The following PRR5 variants were observed in gnomAD, a reference collection of about 807,000 sequenced individuals.
PRR5 encodes the protein proline-rich protein 5.
PRR5 carries 25 observed loss-of-function variants against 30.6 expected under a neutral mutation model. The observed-to-expected ratio is 0.82, with a 90% CI of 0.60 to 1.14. PRR5 has a LOEUF of 1.14. Among genes scored for constraint, PRR5 ranks in the 50% most tolerant of loss-of-function variants. PRR5 has a pLI of 0.00. For missense variants in PRR5, 600 were observed against 547.1 expected (o/e 1.10, Z -0.96); for synonymous variants, 286 against 247.1 (o/e 1.16, Z -1.48).
chr22:44,736,565 C>T (rs1923296422), intron 7 of PRR5, among the ~76,000 whole-genome samples: 1 of 152,228 alleles, frequency 6.6e-6, no homozygotes, highest in Admixed American at 6.5e-5. Flanking sequence ...CCTGTGTGAC[C>T]AGGCTGGGCC....
chr22:44,717,278 G>A (rs977768877), intron 2 of PRR5, among the ~76,000 whole-genome samples: 2 of 138,384 alleles, frequency 1.4e-5, no homozygotes, highest in African/African-American at 5.4e-5. Context: ...TGCGACCTCC[G>A]CCTCCCGGGT....
intron 4 of PRR5, chr22:44,730,759 G>C (rs994931212): frequency 2.5e-6 from 2 of 793,406 alleles, no homozygotes; most frequent in Non-Finnish European, 3.3e-6. Context: ...TATTGGAAGG[G>C]GTCTCCGTGG....
At chr22:44,731,062 C>G (rs1022575549) in intron 4 of PRR5, 2 of 287,224 alleles carry the variant, frequency 7.0e-6, no homozygotes, top group African/African-American at 4.5e-5. Flanking sequence ...GGGAGGAGGT[C>G]GGTGGGTAGA....
chr22:44,729,324 G>C, intron 4 of PRR5: 1 of 981,886 alleles, frequency 1.0e-6, no homozygotes, highest in Non-Finnish European at 1.2e-6. Flanking sequence ...GGCCTGCACA[G>C]GGCCCTCAGC....
intron 1 of PRR5, among the ~76,000 whole-genome samples, chr22:44,709,352 G>T (rs959263934): frequency 2.0e-5 from 3 of 152,180 alleles, no homozygotes; most frequent in Non-Finnish European, 2.9e-5. Flanking sequence ...AGAGGCGGGG[G>T]TAAAAGGGAC....
At chr22:44,687,491 G>C (rs1156515502) in intron 1 of PRR5, among the ~76,000 whole-genome samples, 2 of 152,172 alleles carry the variant, frequency 1.3e-5, no homozygotes, top group Non-Finnish European at 2.9e-5. Flanking sequence ...GAGTCCCTCA[G>C]GAGAACTGCA....
rs1350455710 is a variant in PRR5 at position 44,731,713 on chromosome 22, G to A, written c.323-17G>A. ...CGCGCCAGTCAGGCCCAGTGGTGAT[G>A]GCCCCCATGCCCACAGGACAGAAGC... On this transcript the variant is annotated splice_polypyrimidine_tract_variant and intron_variant, in intron 4 of 7. Transcript: ENST00000336985. 6 of 1,613,140 alleles carry A rather than the reference G, an allele frequency of 3.7e-6. No individual in the cohort carries two copies. In the South Asian group the frequency reaches 5.5e-5, roughly 15 times the overall value.
chr22:44,729,778 CT>C (rs1428579730), intron 4 of PRR5: 7 of 985,392 alleles, frequency 7.1e-6, no homozygotes, highest in Non-Finnish European at 8.4e-6. Flanking sequence ...TTTACAACAT[CT>C]GCTTTCCGCA....
chr22:44,701,737 C>T (rs543303590), upstream of PRR5, among the ~76,000 whole-genome samples: 1 of 152,338 alleles, frequency 6.6e-6, no homozygotes, highest in South Asian at 2.1e-4. Flanking sequence ...GGTTCTTGGG[C>T]CAAGGTGCCT....
intron 1 of PRR5, among the ~76,000 whole-genome samples, chr22:44,695,826 C>T (rs1005845551): frequency 6.6e-6 from 1 of 151,916 alleles, no homozygotes; most frequent in Non-Finnish European, 1.5e-5. Flanking sequence ...GTCTCGAACC[C>T]CTGACCTCAA....
At chr22:44,700,230 G>A (rs981376215), upstream of PRR5, among the ~76,000 whole-genome samples, 5 of 152,140 alleles carry the variant, frequency 3.3e-5, no homozygotes, top group Non-Finnish European at 1.5e-5. Flanking sequence ...TTAGGAGGCC[G>A]AGGTGGGAGG....
intron 1 of PRR5, among the ~76,000 whole-genome samples, chr22:44,694,958 G>A (rs946288084): frequency 2.6e-4 from 40 of 152,104 alleles, no homozygotes; most frequent in Non-Finnish European, 5.7e-4. Flanking sequence ...ATCACTTGAG[G>A]TCCGGAGTTC....
chr22:44,706,264 T>G (rs763932075), intron 1 of PRR5, among the ~76,000 whole-genome samples: 8 of 152,188 alleles, frequency 5.3e-5, no homozygotes, highest in Non-Finnish European at 8.8e-5. Context: ...GATTGATTGA[T>G]TCATTCATTC....
rs796712346 is a variant in PRR5 at position 44,685,912 on chromosome 22, C to T, written c.-11+8672C>T. Among the ~76,000 whole-genome samples the T allele has an allele frequency of 1.2e-4, 19 of 152,340 alleles. 1 individual carries two copies. Among genetic ancestry groups the T allele is most frequent in the African/African-American group, 4.6e-4 (19 of 41,574 alleles). On this transcript the variant is annotated intron_variant, in intron 1 of 8. Coordinates refer to the PRR5 transcript ENST00000006251. The stretch of plus-strand genomic sequence containing the variant: ...GCCCAGGGCCCTGGCTTCCGTGGTA[C>T]CATCCTTTCTCCCTGGGGGAGCACC...
At chr22:44,712,901 A>G (rs1482464561) in intron 1 of PRR5, among the ~76,000 whole-genome samples, 3 of 152,064 alleles carry the variant, frequency 2.0e-5, no homozygotes, top group Non-Finnish European at 4.4e-5. Flanking sequence ...GCTAGTGGAG[A>G]GTCTGCACTG....
rs1037663986 is a variant in PRR5, at chr22:44,736,929, G to A, written c.849G>A (p.Val283=). Residue 283 remains valine (V), a synonymous_variant, in exon 8 of 8, where the codon GTG becomes GTA. Coordinates refer to ENST00000336985, the MANE Select transcript of PRR5 (RefSeq NM_181333.4). ...AGGTSIRRHS[V]SEMTSCPEPQ... ...GTACCAGCATCCGCAGGCACTCTGT[G>A]TCGGAGATGACGTCCTGCCCCGAGC... 9 of 1,607,588 alleles carry A rather than the reference G, an allele frequency of 5.6e-6. No individual in the cohort carries two copies. Among genetic ancestry groups the A allele is most frequent in the Non-Finnish European group, 7.6e-6 (9 of 1,178,496 alleles).
chr22:44,718,582 T>C (rs1345712991), intron 2 of PRR5, among the ~76,000 whole-genome samples: 1 of 152,160 alleles, frequency 6.6e-6, no homozygotes, highest in Non-Finnish European at 1.5e-5. Flanking sequence ...ACTCTTTCCT[T>C]TCCCACAGTG....
chr22:44,672,865 C>G (rs1270176448), upstream of PRR5, among the ~76,000 whole-genome samples: 3 of 152,210 alleles, frequency 2.0e-5, no homozygotes, highest in Non-Finnish European at 1.5e-5. Flanking sequence ...CAAGTGACTG[C>G]CCAGAGCCAT....
intron 6 of PRR5, among the ~76,000 whole-genome samples, chr22:44,733,348 C>G (rs1362089776): frequency 6.6e-6 from 1 of 152,280 alleles, no homozygotes; most frequent in East Asian, 1.9e-4. Flanking sequence ...GTCCTGCTTG[C>G]TATGAGCTAA....
Sources: gnomAD v4.1 joint callset for allele counts (sites outside exome capture counted in the v4.1 genomes callset) on GRCh38, gnomAD v4.1.1 for gene constraint, MANE v1.5 for transcripts, NCBI Gene and HGNC (gene_info 2026-07-23, HGNC 2026-07-21) for gene names.